The following CHD7 variants were observed in gnomAD, a reference collection of about 807,000 sequenced individuals.
CHD7 encodes the protein ATP-dependent chromatin remodeler CHD7.
A neutral mutation model predicts 307.3 loss-of-function variants in CHD7; 24 were observed. That is an observed-to-expected ratio of 0.08 (90% CI 0.06 to 0.11). The LOEUF (loss-of-function observed/expected upper bound fraction) is 0.11. Ranked by LOEUF, CHD7 falls within the 10% of genes least tolerant of loss-of-function variation. The pLI, the probability that CHD7 is intolerant of heterozygous loss-of-function variation, is 1.00. For missense variants in CHD7, 3,106 were observed against 3,727.1 expected, an observed-to-expected ratio of 0.83 and a Z score of 4.34; for synonymous variants, 1,363 against 1,349.9, an observed-to-expected ratio of 1.01 and a Z score of -0.21.
chr8:60,755,512 A>G (rs896792724), intron 2 of CHD7, among the ~76,000 whole-genome samples: 33 of 152,198 alleles, frequency 2.2e-4, no homozygotes, highest in African/African-American at 7.7e-4. Context: ...TTTATACACT[A>G]TAGTTTTTAA....
intron 2 of CHD7, among the ~76,000 whole-genome samples, chr8:60,755,677 G>A (rs1809856588): frequency 6.6e-6 from 1 of 151,980 alleles, no homozygotes; most frequent in African/African-American, 2.4e-5. Context: ...TTATTGAATT[G>A]TAATCTATAT....
At chr8:60,695,743 C>T (rs1563522288) in intron 1 of CHD7, among the ~76,000 whole-genome samples, 3 of 152,108 alleles carry the variant, frequency 2.0e-5, no homozygotes, top group African/African-American at 4.8e-5. Context: ...CAAAAATTTC[C>T]AAATTATGGA....
At chr8:60,798,722 C>T (rs1304905394) in intron 4 of CHD7, among the ~76,000 whole-genome samples, 1 of 152,140 alleles carries the variant, frequency 6.6e-6, no homozygotes, top group Non-Finnish European at 1.5e-5. Context: ...AAATTTTCCT[C>T]AATATTTTTA....
At chr8:60,836,001 G>A in intron 15 of CHD7, 72 bp from the exon 16 acceptor site, 1 of 1,162,816 alleles carries the variant, frequency 8.6e-7, no homozygotes, top group East Asian at 2.6e-5. Flanking sequence ...AATGGGTTTT[G>A]AAAGCAAGTG....
chr8:60,694,473 A>G (rs1806360521), intron 1 of CHD7, among the ~76,000 whole-genome samples: 2 of 152,236 alleles, frequency 1.3e-5, no homozygotes, highest in Non-Finnish European at 2.9e-5. Context: ...TAGTCATTGT[A>G]TAGTGGAGAA....
chr8:60,810,586 A>G (rs1347682473), intron 7 of CHD7, among the ~76,000 whole-genome samples: 1 of 152,158 alleles, frequency 6.6e-6, no homozygotes, highest in South Asian at 2.1e-4. Context: ...TTCAACCAGA[A>G]TAAACCTGGC....
rs760691058 is a variant in CHD7 at position 60,830,375 on chromosome 8, G to C, written c.3576G>C (p.Glu1192Asp). The C allele has an allele frequency of 4.3e-6, 7 of 1,613,796 alleles. No individual in the cohort carries two copies. In the South Asian group the frequency reaches 7.7e-5, roughly 18 times the overall value. Residue 1192 changes from glutamate to aspartate, a missense_variant, in exon 15 of 38, where the codon GAG becomes GAC. Glu to Asp is a conservative substitution (Grantham distance 45, BLOSUM62 2). Coordinates refer to ENST00000423902, the MANE Select transcript of CHD7 (RefSeq NM_017780.4). ...CAATGATGTTGAGACGTCTCAAAGA[G>C]GATGTAGAAAAGAACTTGGCCCCCA... ...LKPMMLRRLKEDVEKNLAPKE... is the reference protein window; with the variant it reads ...LKPMMLRRLKDDVEKNLAPKE...
chr8:60,847,083 A>G (rs1805241887), intron 23 of CHD7, among the ~76,000 whole-genome samples: 1 of 152,232 alleles, frequency 6.6e-6, no homozygotes, highest in Non-Finnish European at 1.5e-5. Context: ...TCATGAGTTA[A>G]CAAGAGAAAA....
intron 1 of CHD7, among the ~76,000 whole-genome samples, chr8:60,733,237 T>TA (rs11346238): frequency 6.8e-5 from 10 of 146,104 alleles, no homozygotes; most frequent in Non-Finnish European, 7.5e-5. Flanking sequence ...CCCTGTCTCT[T>TA]AAAAAAAAAA....
At chr8:60,789,626 A>T (rs1811671575) in intron 3 of CHD7, among the ~76,000 whole-genome samples, 1 of 152,198 alleles carries the variant, frequency 6.6e-6, no homozygotes. Flanking sequence ...GCCGACACTA[A>T]TCAATGTTTA....
At chr8:60,851,975 A>C (rs144069341) in intron 28 of CHD7, 44 bp from the exon 29 acceptor site, 14 of 1,378,870 alleles carry the variant, frequency 1.0e-5, no homozygotes, top group Non-Finnish European at 1.1e-5. Flanking sequence ...CTGTATTGCA[A>C]GATTGCAGCT....
chr8:60,775,659 C>A (rs963548411), intron 2 of CHD7, among the ~76,000 whole-genome samples: 1 of 152,172 alleles, frequency 6.6e-6, no homozygotes, highest in Non-Finnish European at 1.5e-5. Context: ...TGGCTAAACA[C>A]CCTTAGGACA....
intron 4 of CHD7, among the ~76,000 whole-genome samples, chr8:60,796,765 A>C (rs1812057801): frequency 6.6e-6 from 1 of 152,214 alleles, no homozygotes; most frequent in Admixed American, 6.5e-5. Context: ...CTGACTTTGA[A>C]AGCTGTGTTT....
At chr8:60,778,073 CTG>C (rs1340393542) in intron 2 of CHD7, among the ~76,000 whole-genome samples, 2 of 130,286 alleles carry the variant, frequency 1.5e-5, no homozygotes, top group Non-Finnish European at 3.1e-5. Flanking sequence ...TTAGAGAAGA[CTG>C]TACCATGCAT....
At chr8:60,689,019 A>G (rs2035457) in intron 1 of CHD7, among the ~76,000 whole-genome samples, 124,742 of 152,128 alleles carry the variant, frequency 0.82, 51,459 homozygotes, top group East Asian at 0.94. Context: ...AGAACATAAG[A>G]AGGTTCTTAG....
At chr8:60,703,960 T>C (rs1563529320) in intron 1 of CHD7, among the ~76,000 whole-genome samples, 1 of 152,156 alleles carries the variant, frequency 6.6e-6, no homozygotes, top group East Asian at 1.9e-4. Context: ...GCACCCCCTC[T>C]TTCATCCAGT....
chr8:60,737,727 G>A (rs1336633100), intron 1 of CHD7, among the ~76,000 whole-genome samples: 2 of 152,190 alleles, frequency 1.3e-5, no homozygotes, highest in African/African-American at 2.4e-5. Flanking sequence ...CATAGGTACC[G>A]TTTGCTACAT....
chr8:60,832,245 G>A (rs1368681151), intron 15 of CHD7, among the ~76,000 whole-genome samples: 12 of 151,960 alleles, frequency 7.9e-5, no homozygotes, highest in Non-Finnish European at 1.8e-4. Flanking sequence ...GGCTGGTATC[G>A]AACTCCTGAG....
intron 37 of CHD7, chr8:60,864,227 T>G (rs956952157): frequency 1.3e-5 from 2 of 152,302 alleles, no homozygotes; most frequent in African/African-American, 4.8e-5. Flanking sequence ...TCCTCCCACC[T>G]CAGCCTCCTG....
Sources: allele counts gnomAD v4.1 joint callset (sites outside exome capture counted in the v4.1 genomes callset), GRCh38; gene constraint gnomAD v4.1.1; transcripts MANE v1.5; gene names NCBI Gene and HGNC (gene_info 2026-07-23, HGNC 2026-07-21).